HR: variants seen among roughly 807,000 people sequenced by gnomAD.
The protein encoded by HR is lysine-specific demethylase hairless.
Under a neutral mutation model 128.6 loss-of-function variants are expected in HR, and 83 were observed. That is an observed-to-expected ratio of 0.65 (90% confidence interval 0.54 to 0.77). HR has a LOEUF of 0.77. Ranked by LOEUF, HR falls within the 30% of genes least tolerant of loss-of-function variation. HR has a pLI of 0.00. For missense variants in HR, 1,490 were observed against 1,574.6 expected (o/e 0.95, Z 0.91); for synonymous variants, 681 against 658.2 (o/e 1.03, Z -0.53).
At chr8:22,125,156 C>T (rs1272642853) in intron 5 of HR, among the ~76,000 whole-genome samples, 155 bp downstream of exon 5, 1 of 152,234 alleles carries the variant, frequency 6.6e-6, no homozygotes, top group African/African-American at 2.4e-5. Flanking sequence ...CTGGGCTGTA[C>T]CCAGTTTGAC....
intron 6 of HR, 32 bp downstream of exon 6, chr8:22,123,617 T>TTGGGGGGCCCCCC: frequency 7.5e-5 from 22 of 292,090 alleles, no homozygotes; most frequent in Non-Finnish European, 1.2e-4. Flanking sequence ...GAGGGCTCCA[T>TTGGGGGGCCCCCC]CCCGCCCTCC....
At chr8:22,126,285 G>T (rs960224036) in intron 3 of HR, among the ~76,000 whole-genome samples, 9 of 152,248 alleles carry the variant, frequency 5.9e-5, no homozygotes, top group African/African-American at 2.2e-4. Flanking sequence ...CAAGGCCACG[G>T]AGAGAGCTGA....
Position 22,120,769 on chromosome 8 carries a change from G to C in HR, c.2557C>G (p.Pro853Ala). ...AGGTGGAAGCCACGCCGAGGGCAAGGCTGGGGCTCCTGCAGCCACAGCAAA... is the reference window on the plus strand; with the variant it reads ...AGGTGGAAGCCACGCCGAGGGCAAGCCTGGGGCTCCTGCAGCCACAGCAAA... Reference protein sequence around the residue: ...GALLWLQEPQPCPRRGFHLFQ... With the variant: ...GALLWLQEPQACPRRGFHLFQ... Residue 853 changes from proline to alanine, a missense_variant, in exon 11 of 19, where the codon CCT becomes GCT. Physicochemically the swap from Pro to Ala is conservative, Grantham distance 27 (BLOSUM62 -1). Around this residue, in one of 3 missense-constraint regions of HR, gnomAD observed 423 missense variants for 495.9 expected, o/e 0.85. Transcript: ENST00000381418. The C allele has an allele frequency of 3.3e-6, 5 of 1,528,676 alleles. No individual in the cohort carries two copies. Among genetic ancestry groups the C allele is most frequent in the Non-Finnish European group, 4.4e-6 (5 of 1,135,504 alleles). 94.7% of individuals were successfully genotyped at this position (1,528,676 alleles called of 1,614,324 possible). A position where few individuals can be genotyped will look rare whatever the true frequency, so the allele number is the denominator to read the frequency against.
intron 2 of HR, chr8:22,128,291 C>T (rs1011223060): frequency 1.7e-5 from 10 of 578,126 alleles, no homozygotes; most frequent in Non-Finnish European, 2.5e-5. Context: ...CATTCCAAGG[C>T]CACAGTTCCC....
At chr8:22,120,659 G>A in intron 11 of HR, 57 bp downstream of exon 11, 1 of 1,529,096 alleles carries the variant, frequency 6.5e-7, no homozygotes, top group Non-Finnish European at 8.8e-7. Flanking sequence ...AGGGACCAAG[G>A]CCCCGAGGGG....
rs1160506857 is a variant in HR, at chr8:22,128,743, C to A, written c.428G>T (p.Cys143Phe). ...GATCTTGGTCTCCAGAAGGAAAGGG[C>A]AGTGCCAGGGCCGGAAGGCCACAGG... ...SDPVAFRPWH[C>F]PFLLETKILE... is the part of the protein sequence containing the mutation. Residue 143 changes from cysteine to phenylalanine, a missense_variant, in exon 2 of 19, where the codon TGC becomes TTC. This residue lies in a region of HR where 1,060 missense variants were observed against 1,060.9 expected (regional missense o/e 1.00). Coordinates refer to ENST00000381418, the MANE Select transcript of HR (RefSeq NM_005144.5). 1.3e-6 allele frequency: 2 copies of A among 1,595,530 alleles called. No individual in the cohort carries two copies. Among genetic ancestry groups the A allele is most frequent in the Non-Finnish European group, 1.7e-6 (2 of 1,171,424 alleles).
chr8:22,130,341 G>A (rs1183577702), intron 1 of HR, 87 bp downstream of exon 1: 1 of 152,294 alleles, frequency 6.6e-6, no homozygotes, highest in African/African-American at 2.4e-5. Flanking sequence ...CAGGGGCACG[G>A]GGAACACGCT....
chr8:22,118,905 A>G, intron 16 of HR, 45 bp downstream of exon 16: 1 of 1,512,374 alleles, frequency 6.6e-7, no homozygotes. Context: ...ACGAGCTTCT[A>G]GGGCTGGGCG....
chr8:22,127,988 A>G lies in HR; in HGVS notation c.613-159T>C, dbSNP rs573518895. The G allele has an allele frequency of 1.0e-3, 762 of 762,776 alleles. 6 individuals are homozygous for G. Among genetic ancestry groups the G allele is most frequent in the Non-Finnish European group, 2.6e-4 (117 of 446,302 alleles). The allele number at this position is 762,776 out of a possible 1,614,324, so 47.3% of individuals were successfully genotyped here. ...CCTAGGTCTCTGGAGTGCCTCTGAC[A>G]CTGTCCTGGCAACCCCCACCTCCTC... On this transcript the variant is annotated intron_variant, in intron 2 of 18. Transcript: ENST00000381418.
At position 22,128,597 on chromosome 8, in the gene HR, G is replaced by A; in HGVS notation, c.574C>T (p.Gln192Ter). 1 of 1,609,164 alleles carries A rather than the reference G, an allele frequency of 6.2e-7. No homozygotes were observed. The highest frequency in any genetic ancestry group is 8.5e-7 in the Non-Finnish European group (1 of 1,178,572). ...TPHPWVYSGGQPKVPSAFSLG... is the reference protein window; with the variant it reads ...TPHPWVYSGG The stretch of plus-strand genomic sequence containing the variant: ...CTGAAGGCAGAGGGCACTTTGGGCT[G>A]GCCCCCGGAGTATACCCAGGGGTGC... The change falls in exon 2 of 19, where the codon CAG (glutamine) becomes TAG (stop). Residue 192 changes from glutamine to a stop codon, truncating the protein, a stop_gained. Transcript: ENST00000381418. LOFTEE classifies it high-confidence loss of function.
At position 22,125,290 on chromosome 8, in the gene HR, G is replaced by C. The variant is rs747031763; in HGVS notation, c.1750+21C>G. ...GCTCCCCACACAGAGACCCCACGCAGACCCAGGAGGTCCTGTTCACCTTCC... is the reference window on the plus strand; with the variant it reads ...GCTCCCCACACAGAGACCCCACGCACACCCAGGAGGTCCTGTTCACCTTCC... On this transcript the variant is annotated intron_variant, in intron 5 of 18. Transcript: ENST00000381418. 3 of 1,554,658 alleles carry C rather than the reference G, an allele frequency of 1.9e-6. No homozygotes were observed. The South Asian group carries it at 3.6e-5, about 18-fold the overall frequency.
Position 22,127,766 on chromosome 8 carries a change from G to T in HR, c.676C>A (p.Pro226Thr), listed in dbSNP as rs1268798046. The T allele has an allele frequency of 8.7e-6, 14 of 1,600,886 alleles. No individual in the cohort carries two copies. Among genetic ancestry groups the T allele is most frequent in the African/African-American group, 2.7e-5 (2 of 74,918 alleles). ...LAKEPLAAAE[P>T]GLFGLNSGGH... ...CCAGAGTTTAAGCCAAACAACCCAGGTTCCGCAGCTGCCAAGGGCTCCTTT... is the reference window on the plus strand; with the variant it reads ...CCAGAGTTTAAGCCAAACAACCCAGTTTCCGCAGCTGCCAAGGGCTCCTTT... Residue 226 changes from proline to threonine, a missense_variant, in exon 3 of 19, where the codon CCT (proline) becomes ACT (threonine). This residue lies in a region of HR where 1,060 missense variants were observed against 1,060.9 expected (regional missense o/e 1.00). Coordinates refer to ENST00000381418, the MANE Select transcript of HR (RefSeq NM_005144.5).
Position 22,127,095 on chromosome 8 carries a change from C to A in HR, c.1347G>T (p.Val449=). The stretch of plus-strand genomic sequence containing the variant: ...CCTTGTTCCCTATCGATGTGTCCCG[C>A]ACCTCCTGCCAACCCCCAGCCCCCT... ...AEQGAGGWQE[V]RDTSIGNKDV... The change falls in exon 3 of 19, where the codon GTG becomes GTT. Residue 449 remains valine (V), a synonymous_variant. Coordinates refer to ENST00000381418, the MANE Select transcript of HR (RefSeq NM_005144.5). 6.2e-7 allele frequency: 1 copy of A among 1,611,074 alleles called. No individual in the cohort carries two copies. The highest frequency in any genetic ancestry group is 8.5e-7 in the Non-Finnish European group (1 of 1,178,752).
Position 22,121,138 on chromosome 8 carries a change from G to A in HR, c.2294C>T (p.Thr765Ile). 1 of 1,613,924 alleles carries A rather than the reference G, an allele frequency of 6.2e-7. No individual in the cohort carries two copies. Among genetic ancestry groups the A allele is most frequent in the Non-Finnish European group, 8.5e-7 (1 of 1,180,026 alleles). ...ATGGCCCAAGCAGAGTTTGACCGCGGTAGAAGCCAGCAGTTCGCAGAGAGA... is the reference window on the plus strand; with the variant it reads ...ATGGCCCAAGCAGAGTTTGACCGCGATAGAAGCCAGCAGTTCGCAGAGAGA... ...CPSLCELLAS[T>I]AVKLCLGHER... The change falls in exon 10 of 19, where the codon ACC becomes ATC. Residue 765 changes from threonine to isoleucine, a missense_variant. Transcript: ENST00000381418.
In HR at chr8:22,127,508, G is replaced by A. The variant is rs1199237644; in HGVS notation, c.934C>T (p.Pro312Ser). The change falls in exon 3 of 19, where the codon CCA (proline) becomes TCA (serine). Residue 312 changes from proline (P) to serine (S), a missense_variant. Pro to Ser is a moderately conservative substitution (Grantham distance 74). Around this residue, in one of 3 missense-constraint regions of HR, gnomAD observed 1,060 missense variants for 1,060.9 expected, o/e 1.00. Transcript: ENST00000381418. The part of the protein sequence containing the change: ...LGYQLGPPAT[P>S]RCPSPEPPVT... Reference sequence around the variant, plus strand: ...GGCGGCTCAGGAGAGGGGCACCTTGGTGTTGCTGGTGGCCCCAGCTGGTAC... The same window carrying A: ...GGCGGCTCAGGAGAGGGGCACCTTGATGTTGCTGGTGGCCCCAGCTGGTAC... 6.2e-7 allele frequency: 1 copy of A among 1,612,882 alleles called. No homozygotes were observed. The highest frequency in any genetic ancestry group is 1.3e-5 in the African/African-American group (1 of 75,050).
intron 5 of HR, 87 bp downstream of exon 5, chr8:22,125,224 G>A: frequency 7.2e-7 from 1 of 1,390,988 alleles, no homozygotes; most frequent in Non-Finnish European, 9.8e-7. Flanking sequence ...TTAGGTCTAG[G>A]AGCTGGCAGT....
chr8:22,123,617 T>TGGGCCCCCCC, intron 6 of HR, 32 bp downstream of exon 6: 1 of 292,092 alleles, frequency 3.4e-6, no homozygotes. Flanking sequence ...GAGGGCTCCA[T>TGGGCCCCCCC]CCCGCCCTCC....
In HR at chr8:22,120,784, G is replaced by C. The variant is rs1373306043; in HGVS notation, c.2542C>G (p.Leu848Val). ...RLPPPGALLW[L>V]QEPQPCPRRG... ...CGAGGGCAAGGCTGGGGCTCCTGCAGCCACAGCAAAGCCCCTGGGGGAGGC... is the reference window on the plus strand; with the variant it reads ...CGAGGGCAAGGCTGGGGCTCCTGCACCCACAGCAAAGCCCCTGGGGGAGGC... The change falls in exon 11 of 19, where the codon CTG (leucine) becomes GTG (valine). Residue 848 changes from leucine (L) to valine (V), a missense_variant. Coordinates refer to ENST00000381418, the MANE Select transcript of HR (RefSeq NM_005144.5). The C allele has an allele frequency of 1.2e-5, 18 of 1,535,146 alleles. No individual in the cohort carries two copies. Among genetic ancestry groups the C allele is most frequent in the Non-Finnish European group, 1.5e-5 (17 of 1,137,732 alleles).
chr8:22,117,454 C>T (rs1826621692), intron 16 of HR: 1 of 185,030 alleles, frequency 5.4e-6, no homozygotes, highest in Admixed American at 5.5e-5. Flanking sequence ...TTGGAATGGC[C>T]AGAATTGTGT....
Sources: gnomAD v4.1 joint callset for allele counts (sites outside exome capture counted in the v4.1 genomes callset) on GRCh38, gnomAD v4.1.1 for gene constraint, gnomAD v4.1.1 regional missense constraint, MANE v1.5 for transcripts, NCBI Gene and HGNC (gene_info 2026-07-23, HGNC 2026-07-21) for gene names.